The following APAF1 variants were observed in gnomAD, a reference collection of about 807,000 sequenced individuals.
APAF1 encodes apoptotic peptidase activating factor 1, also known as apoptotic protease-activating factor 1.
APAF1 carries 91 observed loss-of-function variants against 152.4 expected under a neutral mutation model. The observed-to-expected ratio is 0.60, with a 90% CI of 0.50 to 0.71. The LOEUF (loss-of-function observed/expected upper bound fraction) is 0.71. Ranked by LOEUF, APAF1 falls within the 30% of genes least tolerant of loss-of-function variation. The pLI, the probability that APAF1 is intolerant of heterozygous loss-of-function variation, is 0.00. For synonymous variants in APAF1, 484 were observed against 494.1 expected, an observed-to-expected ratio of 0.98 and a Z score of 0.27; for missense variants, 1,283 against 1,472.0, an observed-to-expected ratio of 0.87 and a Z score of 2.10.
chr12:98,648,178 A>C (rs2097644332), intron 1 of APAF1, 141 bp from the exon 2 acceptor site: 3 of 706,374 alleles, frequency 4.2e-6, no homozygotes, highest in Non-Finnish European at 7.3e-6. Context: ...CTTTCCAAGC[A>C]CTGGGTTTTG....
intron 5 of APAF1, among the ~76,000 whole-genome samples, 177 bp downstream of exon 5, chr12:98,659,520 G>A (rs2097662085): frequency 6.6e-6 from 1 of 152,030 alleles, no homozygotes; most frequent in Non-Finnish European, 1.5e-5. Context: ...GGGAGGCCGA[G>A]GCTGTTGGAT....
At chr12:98,709,949 C>T (rs995612638) in intron 20 of APAF1, among the ~76,000 whole-genome samples, 2 of 152,214 alleles carry the variant, frequency 1.3e-5, no homozygotes, top group Non-Finnish European at 2.9e-5. Flanking sequence ...GATCTTGGCT[C>T]GCTGCAACCT....
chr12:98,686,670 G>A (rs2097698349), intron 15 of APAF1, 78 bp from the exon 16 acceptor site: 3 of 1,410,884 alleles, frequency 2.1e-6, no homozygotes, highest in Admixed American at 3.9e-5. Flanking sequence ...TGAGAGAAAA[G>A]GAAGAACTTC....
chr12:98,665,893 A>C (rs2097672094), intron 8 of APAF1, 102 bp downstream of exon 8: 1 of 1,042,450 alleles, frequency 9.6e-7, no homozygotes, highest in Admixed American at 1.8e-5. Context: ...GATAAGACCC[A>C]GGGGACTGAG....
Position 98,645,379 on chromosome 12 carries a change from G to C in APAF1, c.-498G>C, listed in dbSNP as rs930853786. 6.6e-6 allele frequency: 1 copy of C among 152,262 alleles called. No individual in the cohort carries two copies. Among genetic ancestry groups the C allele is most frequent in the Admixed American group, 6.5e-5 (1 of 15,284 alleles). The allele number at this position is 152,262 out of a possible 1,614,324, so 9.4% of individuals were successfully genotyped here. A position where few individuals can be genotyped will look rare whatever the true frequency, so the allele number is the denominator to read the frequency against. ...CCAGAGGTGGGGAGTCTGGGCAGTC[G>C]GCGACCCGCGAAGACTTGAGGTGCC... On this transcript the variant is annotated 5_prime_UTR_variant, in exon 1 of 27. Coordinates refer to ENST00000551964, the MANE Select transcript of APAF1 (RefSeq NM_181861.2).
rs1373013676 is a variant in APAF1 at position 98,662,691 on chromosome 12, C to T, written c.840C>T (p.Val280=). 1 of 1,613,148 alleles carries T rather than the reference C, an allele frequency of 6.2e-7. No individual in the cohort carries two copies. The highest frequency in any genetic ancestry group is 8.5e-7 in the Non-Finnish European group (1 of 1,179,670). The change falls in exon 7 of 27, where the codon GTC becomes GTT. Residue 280 remains valine, a synonymous_variant. Coordinates refer to ENST00000551964, the MANE Select transcript of APAF1 (RefSeq NM_181861.2). ...TGTTTGCAGGTCCTAAATATGTAGT[C>T]CCTGTGGAGAGTTCCTTAGGAAAGG... The part of the protein sequence containing the change: ...TDSVMGPKYV[V]PVESSLGKEK...
intron 20 of APAF1, 66 bp from the exon 21 acceptor site, chr12:98,712,253 C>T: frequency 1.2e-6 from 1 of 865,550 alleles, no homozygotes; most frequent in Non-Finnish European, 2.0e-6. Flanking sequence ...CAATTGAAGC[C>T]TCTGTTCTGA....
chr12:98,726,729 C>T (rs1360057180), intron 25 of APAF1: 2 of 155,600 alleles, frequency 1.3e-5, no homozygotes, highest in African/African-American at 2.4e-5. Context: ...AAAGTTGTCT[C>T]CATTAAAATT....
chr12:98,657,950 A>G (rs2097659919), intron 4 of APAF1, among the ~76,000 whole-genome samples: 1 of 152,190 alleles, frequency 6.6e-6, no homozygotes, highest in Admixed American at 6.5e-5. Context: ...CATATATACA[A>G]GTATCTCTTT....
chr12:98,651,484 G>A (rs2097648881), intron 4 of APAF1, among the ~76,000 whole-genome samples: 1 of 152,082 alleles, frequency 6.6e-6, no homozygotes, highest in Admixed American at 6.6e-5. Flanking sequence ...ATGTATACAT[G>A]TTATTTGTTA....
intron 22 of APAF1, 119 bp from the exon 23 acceptor site, chr12:98,723,073 GT>G: frequency 9.6e-7 from 1 of 1,038,492 alleles, no homozygotes; most frequent in East Asian, 2.5e-5. Flanking sequence ...ATTCCTCTCT[GT>G]TTTACTGAAA....
chr12:98,660,498 C>T (rs758992275), intron 5 of APAF1, among the ~76,000 whole-genome samples: 1 of 152,184 alleles, frequency 6.6e-6, no homozygotes, highest in African/African-American at 2.4e-5. Flanking sequence ...TCAGCAAATA[C>T]TTACCATTAT....
At chr12:98,693,716 CCATCCTGA>C (rs2097706781) in intron 16 of APAF1, among the ~76,000 whole-genome samples, 1 of 151,884 alleles carries the variant, frequency 6.6e-6, no homozygotes, top group African/African-American at 2.4e-5. Flanking sequence ...AGTCCAGCTG[CCATCCTGA>C]GGTCTTCCTT....
At chr12:98,662,619 A>G in intron 6 of APAF1, 51 bp downstream of exon 6, 2 of 1,605,390 alleles carry the variant, frequency 1.2e-6, no homozygotes, top group Non-Finnish European at 1.7e-6. Context: ...ATTTAATTAC[A>G]TTTAAATATG....
At chr12:98,706,809 G>A (rs1418379808) in intron 19 of APAF1, among the ~76,000 whole-genome samples, 199 bp downstream of exon 19, 1 of 152,148 alleles carries the variant, frequency 6.6e-6, no homozygotes, top group Non-Finnish European at 1.5e-5. Context: ...GGATTACCAT[G>A]GGCCAAGTGC....
intron 4 of APAF1, among the ~76,000 whole-genome samples, chr12:98,652,317 C>A (rs892409753): frequency 6.6e-6 from 1 of 152,114 alleles, no homozygotes; most frequent in Non-Finnish European, 1.5e-5. Context: ...GTACATTTCC[C>A]CCAGATGAGT....
chr12:98,727,272 T>C lies in APAF1; in HGVS notation c.3556T>C (p.Ser1186Pro). The change falls in exon 26 of 27, where the codon TCT becomes CCT. Residue 1186 changes from serine to proline, a missense_variant. Physicochemically the swap from Ser to Pro is moderately conservative, Grantham distance 74. Coordinates refer to ENST00000551964, the MANE Select transcript of APAF1 (RefSeq NM_181861.2). ...HGGWVTDLCF[S>P]PDGKMLISAG... ...AGGCTGGGTGACTGACCTTTGCTTT[T>C]CTCCAGATGGCAAAATGCTTATCTC... 6.2e-7 allele frequency: 1 copy of C among 1,614,090 alleles called. No homozygotes were observed. The highest frequency in any genetic ancestry group is 8.5e-7 in the Non-Finnish European group (1 of 1,180,018).
At chr12:98,722,290 C>G (rs2097744147) in intron 22 of APAF1, among the ~76,000 whole-genome samples, 1 of 152,172 alleles carries the variant, frequency 6.6e-6, no homozygotes, top group Non-Finnish European at 1.5e-5. Context: ...ACTTTTATCT[C>G]TATCATTGTA....
rs140772800 is a variant in APAF1 at position 98,666,254 on chromosome 12, A to G, written c.1259A>G (p.Asn420Ser). The G allele has an allele frequency of 6.2e-7, 1 of 1,613,888 alleles. No homozygotes were observed. The highest frequency in any genetic ancestry group is 8.5e-7 in the Non-Finnish European group (1 of 1,179,918). The part of the protein sequence containing the change: ...EVEDILQEFV[N>S]KSLLFCDRNG... The stretch of plus-strand genomic sequence containing the variant: ...GAAGACATACTGCAGGAGTTTGTAA[A>G]TAAGTCTCTTTTATTCTGTGATCGG... The change falls in exon 9 of 27, where the codon AAT becomes AGT. Residue 420 changes from asparagine (N) to serine (S), a missense_variant. Transcript: ENST00000551964.
Sources: allele counts gnomAD v4.1 joint callset (sites outside exome capture counted in the v4.1 genomes callset), GRCh38; gene constraint gnomAD v4.1.1; transcripts MANE v1.5; gene names NCBI Gene and HGNC (gene_info 2026-07-23, HGNC 2026-07-21).